Variants in GPC5 observed in about 807,000 individuals in gnomAD.
GPC5 encodes the protein glypican-5.
GPC5 carries 47 observed loss-of-function variants against 53.9 expected under a neutral mutation model. That is an observed-to-expected ratio of 0.87 (90% CI 0.69 to 1.11). The LOEUF is 1.11. Among genes scored for constraint, GPC5 ranks in the 50% most tolerant of loss-of-function variants. The probability of loss-of-function intolerance (pLI) is 0.00; values close to 1 mark genes in which losing one functional copy is unlikely to be tolerated. For missense variants in GPC5, 748 were observed against 713.1 expected, an observed-to-expected ratio of 1.05 and a Z score of -0.56; for synonymous variants, 286 against 263.3, an observed-to-expected ratio of 1.09 and a Z score of -0.84.
At chr13:91,997,541 C>T (rs776565780) in intron 6 of GPC5, among the ~76,000 whole-genome samples, 2 of 151,586 alleles carry the variant, frequency 1.3e-5, no homozygotes, top group Admixed American at 6.6e-5. Flanking sequence ...TTGTTTAAGA[C>T]AGAGTCTCGC....
At chr13:91,893,458 C>G (rs773356145) in intron 5 of GPC5, among the ~76,000 whole-genome samples, 5 of 152,026 alleles carry the variant, frequency 3.3e-5, no homozygotes, top group Non-Finnish European at 7.4e-5. Flanking sequence ...AAAGGGATTT[C>G]TGGCCCTCTA....
rs182931143 is a variant in GPC5, at chr13:91,454,444, A to G, written c.325+5522A>G. ...TATGGTAATCTCATCTTGCAAGCAC[A>G]GTAATTTGCTTATAGCTGGTGAAAC... On this transcript the variant is annotated intron_variant, in intron 2 of 7. Coordinates refer to ENST00000377067, the MANE Select transcript of GPC5 (RefSeq NM_004466.6). 4.6e-5 allele frequency among the ~76,000 whole-genome samples: 7 copies of G among 152,206 alleles called. No homozygotes were observed. In the East Asian group the frequency reaches 1.4e-3, roughly 29 times the overall value.
chr13:91,885,415 A>G (rs990065093), intron 5 of GPC5, among the ~76,000 whole-genome samples: 8 of 152,088 alleles, frequency 5.3e-5, no homozygotes, highest in South Asian at 4.2e-4. Flanking sequence ...TTAAATATGG[A>G]GTACCTTTCC....
At chr13:91,448,372 A>G (rs562400638) in intron 1 of GPC5, among the ~76,000 whole-genome samples, 1 of 152,230 alleles carries the variant, frequency 6.6e-6, no homozygotes, top group Non-Finnish European at 1.5e-5. Flanking sequence ...CATGAAAAGC[A>G]ATTCTTTTAG....
At chr13:92,598,184 A>G (rs968099905) in intron 7 of GPC5, among the ~76,000 whole-genome samples, 11 of 152,354 alleles carry the variant, frequency 7.2e-5, no homozygotes, top group Middle Eastern at 3.4e-3. Flanking sequence ...AAAAGTAAAG[A>G]TTCAAACTGT....
At chr13:92,700,783 C>T (rs1887709875) in intron 7 of GPC5, among the ~76,000 whole-genome samples, 1 of 152,032 alleles carries the variant, frequency 6.6e-6, no homozygotes, top group Non-Finnish European at 1.5e-5. Context: ...TTTCTTGCCT[C>T]ATGATAGAAA....
chr13:91,801,253 T>TTGTGTGTGTGTGTG (rs71113762), intron 5 of GPC5, among the ~76,000 whole-genome samples: 329 of 146,392 alleles, frequency 2.2e-3, no homozygotes, highest in East Asian at 5.0e-3. Flanking sequence ...CATCCATACT[T>TTGTGTGTGTGTGTG]TGTGTGTGTG....
chr13:92,737,265 T>C (rs1005400245), intron 7 of GPC5, among the ~76,000 whole-genome samples: 10 of 152,100 alleles, frequency 6.6e-5, no homozygotes, highest in Non-Finnish European at 1.5e-4. Context: ...CCATGATTCA[T>C]GTGAACTGCA....
intron 7 of GPC5, among the ~76,000 whole-genome samples, chr13:92,147,234 T>C (rs2041874361): frequency 6.6e-6 from 1 of 152,144 alleles, no homozygotes; most frequent in Middle Eastern, 3.4e-3. Flanking sequence ...TTCCACTGTA[T>C]TTAGGAATTA....
intron 6 of GPC5, among the ~76,000 whole-genome samples, chr13:92,120,406 C>T (rs1453122091): frequency 6.6e-6 from 1 of 152,106 alleles, no homozygotes; most frequent in Non-Finnish European, 1.5e-5. Flanking sequence ...TACAGGTGTG[C>T]ACCATCATGC....
intron 7 of GPC5, among the ~76,000 whole-genome samples, chr13:92,170,420 C>CTTTTTTTTTTTTTTT (rs61418155): frequency 4.0e-5 from 3 of 75,264 alleles, no homozygotes; most frequent in African/African-American, 1.0e-4. Context: ...CTTTTCTTTG[C>CTTTTTTTTTTTTTTT]TTTTTTTTTT....
chr13:92,738,439 TC>T (rs1888997967), intron 7 of GPC5, among the ~76,000 whole-genome samples: 1 of 152,086 alleles, frequency 6.6e-6, no homozygotes, highest in Admixed American at 6.6e-5. Flanking sequence ...TGTAATATTT[TC>T]TTTGACTTCA....
intron 4 of GPC5, among the ~76,000 whole-genome samples, chr13:91,743,405 G>A (rs1479816594): frequency 1.3e-5 from 2 of 152,144 alleles, no homozygotes; most frequent in Non-Finnish European, 2.9e-5. Context: ...CAAATTAATT[G>A]CATTTAGAAA....
At chr13:91,547,714 A>G (rs941888344) in intron 2 of GPC5, among the ~76,000 whole-genome samples, 3 of 152,126 alleles carry the variant, frequency 2.0e-5, no homozygotes, top group African/African-American at 7.2e-5. Context: ...TATTGTGAAC[A>G]TAGTTGCAAA....
At chr13:91,492,970 G>C (rs555878208) in intron 2 of GPC5, among the ~76,000 whole-genome samples, 1 of 142,668 alleles carries the variant, frequency 7.0e-6, no homozygotes, top group Non-Finnish European at 1.6e-5. Flanking sequence ...CTACTGTTTC[G>C]GTAACAATTC....
chr13:91,729,303 G>T (rs2036643852), intron 4 of GPC5, among the ~76,000 whole-genome samples: 1 of 151,798 alleles, frequency 6.6e-6, no homozygotes, highest in Non-Finnish European at 1.5e-5. Flanking sequence ...GTGTTCCTTT[G>T]CTTGATAATG....
chr13:92,378,601 T>C (rs1028184996), intron 7 of GPC5, among the ~76,000 whole-genome samples: 2 of 152,184 alleles, frequency 1.3e-5, no homozygotes, highest in African/African-American at 4.8e-5. Flanking sequence ...TGATAGAACT[T>C]TTCTTAGTAC....
intron 7 of GPC5, among the ~76,000 whole-genome samples, chr13:92,203,509 G>T (rs2042310051): frequency 9.5e-6 from 1 of 105,548 alleles, no homozygotes; most frequent in African/African-American, 3.6e-5. Context: ...AGGGGGGAGG[G>T]ATAGCATTGG....
intron 6 of GPC5, among the ~76,000 whole-genome samples, chr13:92,054,151 T>G (rs1333800297): frequency 1.8e-3 from 40 of 22,378 alleles, no homozygotes; most frequent in South Asian, 7.0e-3. Flanking sequence ...TTTGGAGGGG[T>G]GTGTGTGTGT....
Sources: allele counts gnomAD v4.1 joint callset (sites outside exome capture counted in the v4.1 genomes callset), GRCh38; gene constraint gnomAD v4.1.1; transcripts MANE v1.5; gene names NCBI Gene and HGNC (gene_info 2026-07-23, HGNC 2026-07-21).